B9D1: variants seen among roughly 807,000 people sequenced by gnomAD.
B9D1 encodes B9 domain containing 1.
In B9D1, 20 loss-of-function variants were observed where a neutral mutation model predicts 26.1. The ratio of observed to expected loss-of-function variants is 0.77; its 90% CI spans 0.54 to 1.12. The LOEUF is 1.12. Among genes scored for constraint, B9D1 ranks in the 50% most tolerant of loss-of-function variants. B9D1 has a pLI of 0.00. For synonymous variants in B9D1, 105 were observed against 103.1 expected (o/e 1.02, Z -0.11); for missense variants, 260 against 273.7 (o/e 0.95, Z 0.35).
intron 3 of B9D1, chr17:19,357,553 G>A (rs1456071730): frequency 2.2e-6 from 1 of 465,046 alleles, no homozygotes; most frequent in Admixed American, 3.3e-5. Flanking sequence ...AGTCCTGCAT[G>A]CCAGGGTGGG....
chr17:19,345,801 G>C (rs1198655889), intron 5 of B9D1, among the ~76,000 whole-genome samples: 3 of 152,208 alleles, frequency 2.0e-5, no homozygotes, highest in Non-Finnish European at 4.4e-5. Context: ...GCAGGCCCTA[G>C]GCCAGCGCTG....
downstream of B9D1, chr17:19,336,666 C>T (rs1429133387): frequency 6.6e-6 from 1 of 152,648 alleles, no homozygotes; most frequent in Non-Finnish European, 1.5e-5. Context: ...CTTGTGTTGA[C>T]TGTTGATACT....
At chr17:19,362,803 T>A, upstream of B9D1, 1 of 1,275,266 alleles carries the variant, frequency 7.8e-7, no homozygotes, top group Non-Finnish European at 1.1e-6. Flanking sequence ...CACCCCTCCT[T>A]AGGGCAGGTA....
downstream of B9D1, among the ~76,000 whole-genome samples, chr17:19,342,845 GCCAAGGGAGGCTGGTGGCCAGA>G (rs1206826989): frequency 2.6e-5 from 4 of 152,320 alleles, no homozygotes; most frequent in South Asian, 4.1e-4. Flanking sequence ...TTCTGTCCTT[GCCAAGGGAGGCTGGTGGCCAGA>G]AGCATGGCTG....
In B9D1 at chr17:19,347,385, C is replaced by T; in HGVS notation, c.342-54G>A. The stretch of plus-strand genomic sequence containing the variant: ...TGCTGAGTAAGAGACCTTTCTGAGC[C>T]TCCAGGGAGAAGAAACCCTCAGATC... On this transcript the variant is annotated intron_variant, in intron 4 of 6. Coordinates refer to ENST00000261499, the MANE Select transcript of B9D1 (RefSeq NM_015681.6). This position sits in a 1 kb window ranked among gnomAD's most constrained non-coding sequence, Gnocchi z 4.3. 1 of 1,598,532 alleles carries T rather than the reference C, an allele frequency of 6.3e-7. No individual in the cohort carries two copies. The highest frequency in any genetic ancestry group is 8.6e-7 in the Non-Finnish European group (1 of 1,166,366).
chr17:19,340,033 A>AACCCCCCCCC (rs1907774483), downstream of B9D1, among the ~76,000 whole-genome samples: 2 of 110,552 alleles, frequency 1.8e-5, no homozygotes, highest in East Asian at 1.0e-3. Context: ...CACATGCCCA[A>AACCCCCCCCC]CCCCCCCCCC....
downstream of B9D1, among the ~76,000 whole-genome samples, chr17:19,342,115 C>G (rs1908035352): frequency 6.6e-6 from 1 of 152,186 alleles, no homozygotes; most frequent in African/African-American, 2.4e-5. Flanking sequence ...CACACCCCTG[C>G]TCTAGGCTCA....
chr17:19,369,720 TA>T (rs979520485), intron 1 of B9D1, among the ~76,000 whole-genome samples: 4 of 152,174 alleles, frequency 2.6e-5, no homozygotes, highest in African/African-American at 9.7e-5. Context: ...CATACCTAAC[TA>T]AAGAATTATT....
upstream of B9D1, chr17:19,362,969 G>C (rs1716783893): frequency 3.2e-6 from 1 of 315,016 alleles, no homozygotes; most frequent in South Asian, 2.6e-5. Flanking sequence ...GAGTCCTGGG[G>C]AGCAGCGCTC....
In B9D1 at chr17:19,347,733, T is replaced by G; in HGVS notation, c.341+51A>C. ...ACCTAAGACAGAAAACGAGGTGAAGTCTGTCCTAGGACAAGTCCTGCCCAG... is the reference window on the plus strand; with the variant it reads ...ACCTAAGACAGAAAACGAGGTGAAGGCTGTCCTAGGACAAGTCCTGCCCAG... On this transcript the variant is annotated intron_variant, in intron 4 of 6. Coordinates refer to ENST00000261499, the MANE Select transcript of B9D1 (RefSeq NM_015681.6). The surrounding 1 kb of genome is among the most constrained non-coding windows in gnomAD (Gnocchi z 4.3). The G allele has an allele frequency of 6.4e-7, 1 of 1,558,264 alleles. No homozygotes were observed. The highest frequency in any genetic ancestry group is 8.8e-7 in the Non-Finnish European group (1 of 1,132,714).
At chr17:19,335,538 G>A, downstream of B9D1, 1 of 1,493,550 alleles carries the variant, frequency 6.7e-7, no homozygotes, top group Non-Finnish European at 9.1e-7. Context: ...TGTGGAAATG[G>A]CAGTTGTCCC....
At chr17:19,345,883 T>C (rs548589754) in intron 5 of B9D1, among the ~76,000 whole-genome samples, 1 of 152,316 alleles carries the variant, frequency 6.6e-6, no homozygotes, top group African/African-American at 2.4e-5. Context: ...AGCCTCCATA[T>C]CTGGGAAGAT....
At chr17:19,335,352 G>A, downstream of B9D1, 1 of 1,525,218 alleles carries the variant, frequency 6.6e-7, no homozygotes, top group Non-Finnish European at 8.9e-7. Flanking sequence ...AAAATCTAAT[G>A]TATGAATGTG....
downstream of B9D1, among the ~76,000 whole-genome samples, chr17:19,337,357 G>A (rs1285465215): frequency 4.6e-5 from 7 of 152,226 alleles, no homozygotes; most frequent in African/African-American, 9.6e-5. Context: ...CTCTGGTCAC[G>A]GGAAGAGGCA....
At position 19,348,982 on chromosome 17, in the gene B9D1, G is replaced by A. The variant is rs74849044; in HGVS notation, c.245-1102C>T. ...CGCACCCAGTGCTGAGCACCATGGC[G>A]CAGGCTCTCGGTACTCGCGTGCACA... On this transcript the variant is annotated intron_variant, in intron 3 of 6. Transcript: ENST00000261499. Among the ~76,000 whole-genome samples, 1,398 of 152,274 alleles carry A rather than the reference G, an allele frequency of 9.2e-3. 11 individuals are homozygous for A. Among genetic ancestry groups the A allele is most frequent in the African/African-American group, 0.031 (1,284 of 41,534 alleles).
intron 1 of B9D1, among the ~76,000 whole-genome samples, chr17:19,374,185 A>G (rs1912010106): frequency 1.3e-5 from 2 of 152,218 alleles, no homozygotes; most frequent in Non-Finnish European, 2.9e-5. Context: ...CAGTTGTGAA[A>G]GCACAATGAT....
Position 19,343,416 on chromosome 17 carries a change from A to C in B9D1, c.518T>G (p.Val173Gly). The change falls in exon 7 of 7, where the codon GTG becomes GGG. Residue 173 changes from valine to glycine, a missense_variant. Coordinates refer to ENST00000261499, the MANE Select transcript of B9D1 (RefSeq NM_015681.6). Reference protein sequence around the residue: ...SQGFVTLLFNVVTKDMRKLGY... With the variant: ...SQGFVTLLFNGVTKDMRKLGY... ...CAGTTTCCTCATGTCCTTGGTCACC[A>C]CGTTGAAGAGGAGGGTGACAAAGCC... 1 of 1,614,164 alleles carries C rather than the reference A, an allele frequency of 6.2e-7. No individual in the cohort carries two copies. Among genetic ancestry groups the C allele is most frequent in the South Asian group, 1.1e-5 (1 of 91,082 alleles).
At chr17:19,357,810 C>T (rs1910548745) in intron 3 of B9D1, 30 bp downstream of exon 3, 4 of 1,559,784 alleles carry the variant, frequency 2.6e-6, no homozygotes, top group South Asian at 2.2e-5. Context: ...AGCTCTGCCA[C>T]CCTACCCCAC....
In B9D1 at chr17:19,362,400, G is replaced by A. The variant is rs541848827; in HGVS notation, c.63+107C>T. The A allele has an allele frequency of 1.0e-4, 82 of 806,812 alleles. No individual in the cohort carries two copies. In the African/African-American group the frequency reaches 1.3e-3, roughly 13 times the overall value. 50.0% of individuals were successfully genotyped at this position (806,812 alleles called of 1,614,324 possible). A position where few individuals can be genotyped will look rare whatever the true frequency, so the allele number is the denominator to read the frequency against. ...CTCCCCCGCCTAACCGAGAGGCTCAGAGGAATGACGTGGCTCTCCGGGGGC... is the reference window on the plus strand; with the variant it reads ...CTCCCCCGCCTAACCGAGAGGCTCAAAGGAATGACGTGGCTCTCCGGGGGC... On this transcript the variant is annotated intron_variant, in intron 1 of 6. Transcript: ENST00000261499.
Sources: gnomAD v4.1 joint callset for allele counts (sites outside exome capture counted in the v4.1 genomes callset) on GRCh38, gnomAD v4.1.1 for gene constraint, Gnocchi (gnomAD v3.1) non-coding constraint, MANE v1.5 for transcripts, NCBI Gene and HGNC (gene_info 2026-07-23, HGNC 2026-07-21) for gene names.